HDAC4: variants seen among roughly 807,000 people sequenced by gnomAD.
HDAC4 encodes histone deacetylase A.
In HDAC4, 16 loss-of-function variants were observed where a neutral mutation model predicts 135.1. That is an observed-to-expected ratio of 0.12 (90% CI 0.08 to 0.18). The LOEUF is 0.18. Among genes scored for constraint, HDAC4 ranks in the 10% least tolerant of loss-of-function variants. The probability of loss-of-function intolerance (pLI) is 1.00; values close to 1 mark genes in which losing one functional copy is unlikely to be tolerated. For missense variants in HDAC4, 1,143 were observed against 1,511.8 expected, an observed-to-expected ratio of 0.76 and a Z score of 4.05; for synonymous variants, 685 against 653.4, an observed-to-expected ratio of 1.05 and a Z score of -0.74.
intron 7 of HDAC4, among the ~76,000 whole-genome samples, chr2:239,145,582 T>C (rs2041704647): frequency 6.6e-6 from 1 of 152,350 alleles, no homozygotes; most frequent in Non-Finnish European, 1.5e-5. Context: ...GTTATCGGCT[T>C]TCAGAGTCCA....
chr2:239,330,760 A>G (rs1368565088), intron 2 of HDAC4, among the ~76,000 whole-genome samples: 1 of 152,224 alleles, frequency 6.6e-6, no homozygotes, highest in Non-Finnish European at 1.5e-5. Flanking sequence ...CTGTAATTCA[A>G]TGTGTCAATA....
intron 3 of HDAC4, among the ~76,000 whole-genome samples, chr2:239,191,925 G>A (rs931604073): frequency 2.0e-5 from 3 of 152,220 alleles, no homozygotes; most frequent in South Asian, 2.1e-4. Flanking sequence ...ATTCCACAGC[G>A]CAGCACGGGC....
In HDAC4 at chr2:239,084,207, G is replaced by A. The variant is rs1574956515; in HGVS notation, c.2480C>T (p.Ala827Val). ...GCTCAACCTCTGCTGCAGAAGCTTGGCTGCCACGGCCACGGAGTTGAAGTA... is the reference window on the plus strand; with the variant it reads ...GCTCAACCTCTGCTGCAGAAGCTTGACTGCCACGGCCACGGAGTTGAAGTA... ...FCYFNSVAVA[A>V]KLLQQRLSVS... is the part of the protein sequence containing the mutation. The change falls in exon 20 of 27, where the codon GCC becomes GTC. Residue 827 changes from alanine to valine, a missense_variant. Physicochemically the swap from Ala to Val is moderately conservative, Grantham distance 64 (BLOSUM62 0). Coordinates refer to ENST00000543185, the MANE Select transcript of HDAC4 (RefSeq NM_001378414.1). 6.2e-7 allele frequency: 1 copy of A among 1,613,372 alleles called. No homozygotes were observed. Among genetic ancestry groups the A allele is most frequent in the Non-Finnish European group, 8.5e-7 (1 of 1,179,564 alleles).
At chr2:239,106,861 G>C (rs1395156559) in intron 15 of HDAC4, among the ~76,000 whole-genome samples, 1 of 152,134 alleles carries the variant, frequency 6.6e-6, no homozygotes, top group Admixed American at 6.5e-5. Context: ...TGGGCCCTGG[G>C]CTGTCGGGTG....
intron 1 of HDAC4, among the ~76,000 whole-genome samples, chr2:239,377,774 C>T (rs1159174116): frequency 6.6e-6 from 1 of 152,146 alleles, no homozygotes; most frequent in African/African-American, 2.4e-5. Flanking sequence ...TGCCAGGATG[C>T]AAGACGGACA....
In HDAC4 at chr2:239,068,444, G is replaced by A. The variant is rs745623229; in HGVS notation, c.2869+45C>T. On this transcript the variant is annotated intron_variant, in intron 23 of 26. Coordinates refer to ENST00000543185, the MANE Select transcript of HDAC4 (RefSeq NM_001378414.1). The surrounding 1 kb of genome is among the most constrained non-coding windows in gnomAD (Gnocchi z 4.4). ...GACACGCGGAACACAGCGGATCATG[G>A]ACATGAGCAGAACCGGCTCCTCAGT... The A allele has an allele frequency of 1.3e-5, 17 of 1,350,476 alleles. No individual in the cohort carries two copies. Among genetic ancestry groups the A allele is most frequent in the Non-Finnish European group, 1.8e-5 (17 of 939,624 alleles). 83.7% of individuals were successfully genotyped at this position (1,350,476 alleles called of 1,614,324 possible).
At chr2:239,161,983 C>T in intron 6 of HDAC4, 1 of 397,990 alleles carries the variant, frequency 2.5e-6, no homozygotes, top group Non-Finnish European at 5.1e-6. Flanking sequence ...CACTGCCCGG[C>T]TTCTATTCCT....
rs1215029267 is a variant in HDAC4 at position 239,400,998 on chromosome 2, C to T, written c.-240G>A. The T allele has an allele frequency of 6.5e-6, 1 of 152,858 alleles. No individual in the cohort carries two copies. The highest frequency in any genetic ancestry group is 1.5e-5 in the Non-Finnish European group (1 of 67,996). The allele number at this position is 152,858 out of a possible 1,614,324, so 9.5% of individuals were successfully genotyped here. A position where few individuals can be genotyped will look rare whatever the true frequency, so the allele number is the denominator to read the frequency against. The stretch of plus-strand genomic sequence containing the variant: ...CCCACGTTGAACCATGATGCTTCTC[C>T]CCACTCCAGCGTCGAGCCAGGCGGC... On this transcript the variant is annotated 5_prime_UTR_variant, in exon 1 of 27. Coordinates refer to ENST00000543185, the MANE Select transcript of HDAC4 (RefSeq NM_001378414.1). This position sits in a 1 kb window ranked among gnomAD's most constrained non-coding sequence, Gnocchi z 4.7.
At chr2:239,279,935 T>C (rs2050608653) in intron 2 of HDAC4, among the ~76,000 whole-genome samples, 2 of 151,988 alleles carry the variant, frequency 1.3e-5, no homozygotes, top group Non-Finnish European at 2.9e-5. Flanking sequence ...CTCCCCGAAT[T>C]CTAGGATCAA....
At chr2:239,235,641 A>G (rs2047844976) in intron 3 of HDAC4, among the ~76,000 whole-genome samples, 1 of 152,220 alleles carries the variant, frequency 6.6e-6, no homozygotes, top group Admixed American at 6.5e-5. Context: ...TACCCTCACA[A>G]GGAGTTTAAA....
chr2:239,294,155 G>A (rs1056775475), intron 2 of HDAC4, among the ~76,000 whole-genome samples: 1 of 152,214 alleles, frequency 6.6e-6, no homozygotes, highest in Non-Finnish European at 1.5e-5. Flanking sequence ...GGGTCGCTGA[G>A]GCGTCACATT....
intron 11 of HDAC4, among the ~76,000 whole-genome samples, chr2:239,131,690 T>C (rs1019243305): frequency 6.6e-6 from 1 of 152,168 alleles, no homozygotes; most frequent in Admixed American, 6.5e-5. Context: ...AGGCTGGAGT[T>C]CCTGCTCACA....
At chr2:239,083,557 T>C (rs1361787968) in intron 20 of HDAC4, among the ~76,000 whole-genome samples, 3 of 152,194 alleles carry the variant, frequency 2.0e-5, no homozygotes, top group Non-Finnish European at 4.4e-5. Context: ...ACACTAAATA[T>C]GTATATATCT....
intron 17 of HDAC4, 25 bp from the exon 18 acceptor site, chr2:239,090,141 A>C: frequency 6.5e-7 from 1 of 1,534,924 alleles, no homozygotes; most frequent in Non-Finnish European, 9.0e-7. Flanking sequence ...CCCCACAGTG[A>C]GGTCACCCTC....
In HDAC4 at chr2:239,079,977, C is replaced by T. The variant is rs116252847; in HGVS notation, c.2750+1118G>A. On this transcript the variant is annotated intron_variant, in intron 22 of 26. Transcript: ENST00000543185. Reference sequence around the variant, plus strand: ...TGTGTAACACACATAGGCATGGACACACACCTGCAGACATGCACATGGCTG... The same window carrying T: ...TGTGTAACACACATAGGCATGGACATACACCTGCAGACATGCACATGGCTG... 6.7e-3 allele frequency among the ~76,000 whole-genome samples: 999 copies of T among 148,654 alleles called. 3 individuals carry two copies. Among genetic ancestry groups the T allele is most frequent in the Non-Finnish European group, 8.9e-3 (602 of 68,002 alleles).
At chr2:239,355,977 T>C (rs913835644) in intron 1 of HDAC4, among the ~76,000 whole-genome samples, 7 of 152,346 alleles carry the variant, frequency 4.6e-5, no homozygotes, top group South Asian at 4.1e-4. Context: ...ATTTTCACTA[T>C]AATAGAAATG....
chr2:239,087,878 G>A (rs200893303), intron 18 of HDAC4, among the ~76,000 whole-genome samples: 2 of 146,598 alleles, frequency 1.4e-5, no homozygotes, highest in Non-Finnish European at 3.0e-5. Context: ...GTGGGTGCCT[G>A]CCCACTCTCA....
chr2:239,094,511 C>T, intron 17 of HDAC4: 2 of 1,034,682 alleles, frequency 1.9e-6, no homozygotes, highest in Non-Finnish European at 2.3e-6. Flanking sequence ...TATGCCCAGG[C>T]CAGGTCCATA....
intron 22 of HDAC4, among the ~76,000 whole-genome samples, chr2:239,074,945 C>T (rs189227426): frequency 4.6e-5 from 7 of 152,140 alleles, no homozygotes; most frequent in South Asian, 2.1e-4. Context: ...CAGTCTCGGC[C>T]GGGCACGGTG....
Sources: gnomAD v4.1 joint callset for allele counts (sites outside exome capture counted in the v4.1 genomes callset) on GRCh38, gnomAD v4.1.1 for gene constraint, Gnocchi (gnomAD v3.1) non-coding constraint, MANE v1.5 for transcripts, NCBI Gene and HGNC (gene_info 2026-07-23, HGNC 2026-07-21) for gene names.